The following MUSK variants were observed in gnomAD, a reference collection of about 807,000 sequenced individuals.
MUSK encodes the protein muscle, skeletal receptor tyrosine-protein kinase.
A neutral mutation model predicts 88.7 loss-of-function variants in MUSK; 55 were observed. The ratio of observed to expected loss-of-function variants is 0.62; its 90% CI spans 0.50 to 0.78. The LOEUF is 0.78. Ranked by LOEUF, MUSK falls within the 30% of genes least tolerant of loss-of-function variation. The probability of loss-of-function intolerance (pLI) is 0.00; values close to 1 mark genes in which losing one functional copy is unlikely to be tolerated. For missense variants in MUSK, 1,015 were observed against 1,074.3 expected (o/e 0.94, Z 0.77); for synonymous variants, 387 against 391.9 (o/e 0.99, Z 0.15).
intron 11 of MUSK, among the ~76,000 whole-genome samples, chr9:110,781,481 T>A (rs2077757734): frequency 1.3e-5 from 2 of 152,142 alleles, no homozygotes; most frequent in Non-Finnish European, 2.9e-5. Context: ...ATTCACCGTG[T>A]TAGCCAGGAT....
intron 7 of MUSK, 86 bp from the exon 8 acceptor site, chr9:110,762,116 C>A: frequency 8.4e-7 from 1 of 1,190,346 alleles, no homozygotes; most frequent in Non-Finnish European, 1.1e-6. Context: ...ACAATCTCAG[C>A]CAAAGCATAA....
chr9:110,714,763 C>T (rs1050126487), intron 5 of MUSK, among the ~76,000 whole-genome samples: 1 of 152,170 alleles, frequency 6.6e-6, no homozygotes, highest in African/African-American at 2.4e-5. Context: ...CCCAGGGCCA[C>T]GTGTTTTTTA....
At position 110,801,014 on chromosome 9, in the gene MUSK, T is replaced by A. The variant is rs1204678320; in HGVS notation, c.*26T>A. The A allele has an allele frequency of 4.0e-6, 6 of 1,490,110 alleles. No individual in the cohort carries two copies. Among genetic ancestry groups the A allele is most frequent in the Non-Finnish European group, 8.9e-7 (1 of 1,125,018 alleles). The allele number at this position is 1,490,110 out of a possible 1,614,324, so 92.3% of individuals were successfully genotyped here. ...GGTTGAAGACGTTCAAATAAAATGCTGCAGTTTCCTCTCAGACTCTGTGAG... is the reference window on the plus strand; with the variant it reads ...GGTTGAAGACGTTCAAATAAAATGCAGCAGTTTCCTCTCAGACTCTGTGAG... On this transcript the variant is annotated 3_prime_UTR_variant, in exon 15 of 15. Transcript: ENST00000374448.
chr9:110,765,302 T>C (rs2131945244), intron 8 of MUSK, among the ~76,000 whole-genome samples: 1 of 152,328 alleles, frequency 6.6e-6, no homozygotes, highest in Admixed American at 6.5e-5. Flanking sequence ...CATGCTCTTA[T>C]TCATCCCCCT....
At chr9:110,672,470 G>C (rs2075971483) in intron 1 of MUSK, among the ~76,000 whole-genome samples, 1 of 152,138 alleles carries the variant, frequency 6.6e-6, no homozygotes, top group African/African-American at 2.4e-5. Context: ...AGGACAGATG[G>C]CTGGATTAAT....
At chr9:110,732,111 T>A (rs530667218) in intron 5 of MUSK, among the ~76,000 whole-genome samples, 2 of 152,064 alleles carry the variant, frequency 1.3e-5, no homozygotes, top group African/African-American at 4.8e-5. Context: ...AGTTCAAGGG[T>A]ATAGTCAATG....
At chr9:110,776,086 T>C in intron 10 of MUSK, 123 bp downstream of exon 10, 1 of 982,292 alleles carries the variant, frequency 1.0e-6, no homozygotes, top group South Asian at 1.8e-5. Context: ...TTTTGAGTTC[T>C]GCCTTCCTTA....
chr9:110,780,620 C>T (rs1466742701), intron 11 of MUSK, among the ~76,000 whole-genome samples: 2 of 152,170 alleles, frequency 1.3e-5, no homozygotes, highest in African/African-American at 2.4e-5. Context: ...AGTGTATTAA[C>T]TGGGTATGGA....
In MUSK at chr9:110,761,863, C is replaced by T. The variant is rs558236552; in HGVS notation, c.914-339C>T. On this transcript the variant is annotated intron_variant, in intron 7 of 14. Transcript: ENST00000374448. Reference sequence around the variant, plus strand: ...TGCTGGGATTACAGGCGTGAGCCACCGCGCCCGGCCCACATCTTGATTTCT... The same window carrying T: ...TGCTGGGATTACAGGCGTGAGCCACTGCGCCCGGCCCACATCTTGATTTCT... 262 of 980,956 alleles carry T rather than the reference C, an allele frequency of 2.7e-4. 1 individual carries two copies. The African/African-American group carries it at 4.3e-3, about 16-fold the overall frequency. The allele number at this position is 980,956 out of a possible 1,614,324, so 60.8% of individuals were successfully genotyped here.
At chr9:110,698,150 A>G (rs2076457682) in intron 5 of MUSK, among the ~76,000 whole-genome samples, 1 of 152,206 alleles carries the variant, frequency 6.6e-6, no homozygotes, top group South Asian at 2.1e-4. Flanking sequence ...AAGAACTATC[A>G]GCACACCTCT....
At chr9:110,776,006 T>C in intron 10 of MUSK, 43 bp downstream of exon 10, 1 of 1,543,476 alleles carries the variant, frequency 6.5e-7, no homozygotes, top group Non-Finnish European at 8.7e-7. Context: ...TAAGAGAAAT[T>C]TACTATTTTG....
intron 2 of MUSK, among the ~76,000 whole-genome samples, chr9:110,684,747 G>A (rs1388346600): frequency 6.6e-6 from 1 of 151,704 alleles, no homozygotes; most frequent in Non-Finnish European, 1.5e-5. Flanking sequence ...TTGTAAATAG[G>A]ATTATTTTTA....
chr9:110,707,716 G>T (rs531465675), intron 5 of MUSK, among the ~76,000 whole-genome samples: 1 of 152,276 alleles, frequency 6.6e-6, no homozygotes, highest in South Asian at 2.1e-4. Context: ...AGCCAGGGAG[G>T]GTCTAGAAGC....
chr9:110,802,824 C>T lies in MUSK; in HGVS notation c.*1836C>T, dbSNP rs2078113386. 6.6e-6 allele frequency among the ~76,000 whole-genome samples: 1 copy of T among 152,272 alleles called. No homozygotes were observed. The highest frequency in any genetic ancestry group is 1.9e-4 in the East Asian group (1 of 5,182). ...AGTAAGGCGGTCCTTAGTCACAGTT[C>T]TGGTTCATAAATAGCGAGGTCAGCA... is the stretch of plus-strand genomic sequence containing the variant. On this transcript the variant is annotated 3_prime_UTR_variant, in exon 15 of 15. Transcript: ENST00000374448.
chr9:110,733,336 T>C (rs1486622915), intron 5 of MUSK, among the ~76,000 whole-genome samples: 2 of 152,106 alleles, frequency 1.3e-5, no homozygotes, highest in East Asian at 3.9e-4. Flanking sequence ...TTTTCACTGC[T>C]ATAAGATAAG....
At chr9:110,720,646 T>C (rs2076799299) in intron 5 of MUSK, among the ~76,000 whole-genome samples, 1 of 152,086 alleles carries the variant, frequency 6.6e-6, no homozygotes, top group African/African-American at 2.4e-5. Flanking sequence ...GATTCATAGC[T>C]GAATTGTATC....
chr9:110,781,678 T>A (rs2132011443), intron 11 of MUSK, among the ~76,000 whole-genome samples: 1 of 152,280 alleles, frequency 6.6e-6, no homozygotes, highest in African/African-American at 2.4e-5. Context: ...GTCCAAGAAG[T>A]CCAAGATCAA....
intron 8 of MUSK, 101 bp from the exon 9 acceptor site, chr9:110,767,719 A>T: frequency 7.4e-7 from 1 of 1,345,546 alleles, no homozygotes; most frequent in Non-Finnish European, 1.1e-6. Flanking sequence ...ATTTTCTCCT[A>T]TTTCTGAGAC....
At chr9:110,680,157 C>G (rs2131641662) in intron 1 of MUSK, among the ~76,000 whole-genome samples, 1 of 152,128 alleles carries the variant, frequency 6.6e-6, no homozygotes, top group South Asian at 2.1e-4. Context: ...CCTAAGCTAG[C>G]TGTGTAATTC....
Sources: gnomAD v4.1 joint callset for allele counts (sites outside exome capture counted in the v4.1 genomes callset) on GRCh38, gnomAD v4.1.1 for gene constraint, MANE v1.5 for transcripts, NCBI Gene and HGNC (gene_info 2026-07-23, HGNC 2026-07-21) for gene names.